EVC: variants seen among roughly 807,000 people sequenced by gnomAD.
The protein encoded by EVC is evC complex member EVC.
Under a neutral mutation model 118.9 loss-of-function variants are expected in EVC, and 116 were observed. The observed-to-expected ratio is 0.98, with a 90% confidence interval of 0.84 to 1.14. The LOEUF is 1.14. Ranked by LOEUF, EVC falls within the 50% of genes most tolerant of loss-of-function variation. The pLI, the probability that EVC is intolerant of heterozygous loss-of-function variation, is 0.00. For missense variants in EVC, 1,401 were observed against 1,246.4 expected (o/e 1.12, Z -1.87); for synonymous variants, 619 against 534.7 (o/e 1.16, Z -2.18).
In EVC at chr4:5,798,321, C is replaced by T. The variant is rs958869722; in HGVS notation, c.2098-265C>T. Among the ~76,000 whole-genome samples, 1 of 152,170 alleles carries T rather than the reference C, an allele frequency of 6.6e-6. No homozygotes were observed. The highest frequency in any genetic ancestry group is 2.4e-5 in the African/African-American group (1 of 41,432). ...ATGTTCTAGAAGGATGAGCAAGGCC[C>T]CCCATCTTGTGAGGGGCCATAGATG... On this transcript the variant is annotated intron_variant, in intron 14 of 20. Transcript: ENST00000264956. This position sits in a 1 kb window ranked among gnomAD's most constrained non-coding sequence, Gnocchi z 4.1.
intron 16 of EVC, among the ~76,000 whole-genome samples, chr4:5,803,809 C>T (rs974641348): frequency 6.6e-6 from 1 of 152,194 alleles, no homozygotes; most frequent in African/African-American, 2.4e-5. Context: ...GGCCACTGAT[C>T]CTTGAGTGGG....
the EVC span, chr4:5,828,114 C>T: frequency 3.5e-3 from 3,428 of 985,412 alleles, 96 homozygotes; most frequent in African/African-American, 0.055. Flanking sequence ...GTGACTCTGG[C>T]TAAGCCCTTC....
At chr4:5,740,529 C>G (rs1728377584) in intron 5 of EVC, among the ~76,000 whole-genome samples, 1 of 151,068 alleles carries the variant, frequency 6.6e-6, no homozygotes, top group Non-Finnish European at 1.5e-5. Flanking sequence ...GGATTTAGAC[C>G]TAGGCAAAGA....
intron 5 of EVC, among the ~76,000 whole-genome samples, chr4:5,736,987 A>G (rs1727794603): frequency 6.6e-6 from 1 of 152,230 alleles, no homozygotes; most frequent in Non-Finnish European, 1.5e-5. Context: ...ATAGGCTGAA[A>G]GCTGGGCTTC....
At chr4:5,816,118 G>A (rs897069828), downstream of EVC, among the ~76,000 whole-genome samples, 5 of 152,110 alleles carry the variant, frequency 3.3e-5, no homozygotes, top group African/African-American at 1.2e-4. Flanking sequence ...TCAGCAGATT[G>A]GACAGGAGGC....
intron 11 of EVC, among the ~76,000 whole-genome samples, chr4:5,768,534 G>C (rs1733392253): frequency 6.6e-6 from 1 of 152,104 alleles, no homozygotes; most frequent in Non-Finnish European, 1.5e-5. Context: ...AAAGCATATA[G>C]AAGAGTGTTG....
In EVC at chr4:5,747,977, G is replaced by A. The variant is rs1729624203; in HGVS notation, c.940-171G>A. 1.5e-5 allele frequency: 11 copies of A among 754,554 alleles called. 1 individual carries two copies. The South Asian group carries it at 1.7e-4, about 12-fold the overall frequency. The allele number at this position is 754,554 out of a possible 1,614,324, so 46.7% of individuals were successfully genotyped here. A position where few individuals can be genotyped will look rare whatever the true frequency, so the allele number is the denominator to read the frequency against. The stretch of plus-strand genomic sequence containing the variant: ...TGGAACCAGACAATGGAACCAGAAA[G>A]AACTTCACTGTAGAACGTGATTGTT... On this transcript the variant is annotated intron_variant, in intron 7 of 20. Coordinates refer to ENST00000264956, the MANE Select transcript of EVC (RefSeq NM_153717.3).
At chr4:5,808,072 C>G (rs570575808) in intron 17 of EVC, 129 bp from the exon 18 acceptor site, 1 of 763,526 alleles carries the variant, frequency 1.3e-6, no homozygotes, top group Non-Finnish European at 2.2e-6. Context: ...TGAATGGTGC[C>G]CCCGATGGCC....
chr4:5,729,554 C>T (rs1367998833), intron 3 of EVC, among the ~76,000 whole-genome samples, 164 bp downstream of exon 3: 3 of 152,112 alleles, frequency 2.0e-5, no homozygotes, highest in Non-Finnish European at 4.4e-5. Flanking sequence ...ACAGGACATG[C>T]CCATGGTAAC....
chr4:5,825,410 G>C, the EVC span: 1 of 1,489,394 alleles, frequency 6.7e-7, no homozygotes, highest in Non-Finnish European at 8.9e-7. This position sits in a 1 kb window ranked among gnomAD's most constrained non-coding sequence, Gnocchi z 4.4. Context: ...CCAAGGCCAC[G>C]TGTCCATTTC....
At chr4:5,727,814 A>G (rs1482408879) in intron 2 of EVC, among the ~76,000 whole-genome samples, 2 of 148,856 alleles carry the variant, frequency 1.3e-5, no homozygotes, top group East Asian at 3.9e-4. Context: ...TCCCAGCACC[A>G]TTTATTAAAT....
At chr4:5,778,448 C>A (rs1271924868) in intron 11 of EVC, among the ~76,000 whole-genome samples, 14 of 150,662 alleles carry the variant, frequency 9.3e-5, no homozygotes, top group Non-Finnish European at 1.6e-4. Context: ...AGTTTACAGT[C>A]CCACCAACAG....
At chr4:5,797,397 A>G in intron 14 of EVC, 165 bp downstream of exon 14, 1 of 665,762 alleles carries the variant, frequency 1.5e-6, no homozygotes, top group South Asian at 1.7e-5. Context: ...CAGACCGGGC[A>G]GCTTACACTG....
intron 5 of EVC, among the ~76,000 whole-genome samples, chr4:5,741,152 A>G (rs906278214): frequency 6.6e-6 from 1 of 152,238 alleles, no homozygotes; most frequent in Non-Finnish European, 1.5e-5. Flanking sequence ...AGCATTGTTC[A>G]TAATAGCCCC....
chr4:5,723,527 C>G (rs1180105716), intron 2 of EVC, among the ~76,000 whole-genome samples: 1 of 152,058 alleles, frequency 6.6e-6, no homozygotes, highest in Non-Finnish European at 1.5e-5. Context: ...TTGTATTCCC[C>G]CCTTGAAGGT....
At chr4:5,752,212 T>A (rs1730486036) in intron 8 of EVC, among the ~76,000 whole-genome samples, 1 of 152,054 alleles carries the variant, frequency 6.6e-6, no homozygotes, top group African/African-American at 2.4e-5. Context: ...CTTACTCTCA[T>A]TCCACAAGCA....
rs913904096 is a variant in EVC at position 5,737,733 on chromosome 4, ACTT to A, written c.703-3979_703-3977del. Among the ~76,000 whole-genome samples the A allele has an allele frequency of 1.3e-4, 20 of 152,178 alleles. No homozygotes were observed. Among genetic ancestry groups the A allele is most frequent in the Non-Finnish European group, 2.6e-4 (18 of 68,032 alleles). On this transcript the variant is annotated intron_variant, in intron 5 of 20. Coordinates refer to ENST00000264956, the MANE Select transcript of EVC (RefSeq NM_153717.3). This position sits in a 1 kb window ranked among gnomAD's most constrained non-coding sequence, Gnocchi z 5.0. ...TTGACACCTACTGCCCAGAAAATAAACTTCTTTTCAAAATGTTACTGGTCATTT... is the reference window on the plus strand; with the variant it reads ...TTGACACCTACTGCCCAGAAAATAAACTTTTCAAAATGTTACTGGTCATTT...
chr4:5,828,518 G>A, the EVC span: 1 of 1,614,252 alleles, frequency 6.2e-7, no homozygotes, highest in South Asian at 1.1e-5. Flanking sequence ...CGCTGGTACA[G>A]GTGCTCCGGG....
intron 1 of EVC, among the ~76,000 whole-genome samples, chr4:5,713,414 A>C (rs534850930): frequency 6.6e-6 from 1 of 152,330 alleles, no homozygotes; most frequent in East Asian, 1.9e-4. Context: ...ACTGTGGCTC[A>C]TGCCTGTCAC....
Sources: gnomAD v4.1 joint callset for allele counts (sites outside exome capture counted in the v4.1 genomes callset) on GRCh38, gnomAD v4.1.1 for gene constraint, Gnocchi (gnomAD v3.1) non-coding constraint, MANE v1.5 for transcripts, NCBI Gene and HGNC (gene_info 2026-07-23, HGNC 2026-07-21) for gene names.